Variants in LGR5 observed in about 807,000 individuals in gnomAD.
The protein encoded by LGR5 is leucine rich repeat containing G protein-coupled receptor 5.
In LGR5, 54 loss-of-function variants were observed where a neutral mutation model predicts 76.7. The ratio of observed to expected loss-of-function variants is 0.70; its 90% CI spans 0.57 to 0.88. LGR5 has a LOEUF of 0.88. LGR5 is among the 40% of genes least tolerant of loss of function. The pLI is 0.00. For synonymous variants in LGR5, 406 were observed against 421.9 expected (o/e 0.96, Z 0.46); for missense variants, 1,078 against 1,073.3 (o/e 1.00, Z -0.06).
At chr12:71,495,592 T>C (rs1461397074) in intron 1 of LGR5, among the ~76,000 whole-genome samples, 1 of 151,226 alleles carries the variant, frequency 6.6e-6, no homozygotes, top group Non-Finnish European at 1.5e-5. Context: ...TCATAACAAT[T>C]TTATGAAGTA....
At position 71,445,549 on chromosome 12, in the gene LGR5, T is replaced by C. The variant is rs556606108; in HGVS notation, c.212+5257T>C. On this transcript the variant is annotated intron_variant, in intron 1 of 17. Transcript: ENST00000266674. Reference sequence around the variant, plus strand: ...TATGCCAAAAGGAGACATTTCATAGTCTATAATGTGGAATTTTTAATTAAA... The same window carrying C: ...TATGCCAAAAGGAGACATTTCATAGCCTATAATGTGGAATTTTTAATTAAA... 7.9e-5 allele frequency among the ~76,000 whole-genome samples: 12 copies of C among 152,324 alleles called. No homozygotes were observed. In the East Asian group the frequency reaches 2.1e-3, roughly 27 times the overall value.
At chr12:71,448,121 G>T (rs1360340600) in intron 1 of LGR5, among the ~76,000 whole-genome samples, 2 of 138,852 alleles carry the variant, frequency 1.4e-5, no homozygotes, top group Admixed American at 7.0e-5. Context: ...ACAAACTGTG[G>T]TGACTAACCT....
Position 71,488,579 on chromosome 12 carries a change from T to C in LGR5, c.213-16035T>C, listed in dbSNP as rs76421855. On this transcript the variant is annotated intron_variant, in intron 1 of 17. Transcript: ENST00000266674. Reference sequence around the variant, plus strand: ...AAGCTTTCTTCACCTGGTGAAAATATACTTTGGCAAAATGCATCAATGTTT... The same window carrying C: ...AAGCTTTCTTCACCTGGTGAAAATACACTTTGGCAAAATGCATCAATGTTT... Among the ~76,000 whole-genome samples the C allele has an allele frequency of 3.1e-3, 473 of 152,336 alleles. 15 individuals are homozygous for C. The East Asian group carries it at 0.075, about 24-fold the overall frequency.
chr12:71,480,224 T>A (rs1592475896), intron 1 of LGR5, among the ~76,000 whole-genome samples: 1 of 151,570 alleles, frequency 6.6e-6, no homozygotes, highest in East Asian at 1.9e-4. Context: ...ATTACCCGGA[T>A]GTGGTGGCTT....
At chr12:71,489,031 C>T (rs1873952512) in intron 1 of LGR5, among the ~76,000 whole-genome samples, 1 of 152,092 alleles carries the variant, frequency 6.6e-6, no homozygotes, top group Non-Finnish European at 1.5e-5. Context: ...CAAGGGAAAG[C>T]CTTAATCCAT....
At position 71,585,066 on chromosome 12, in the gene LGR5, T is replaced by C. The variant is rs1879264175; in HGVS notation, c.*332T>C. ...CTCTTTAAACTCACCAATGTAATCATTTTGGGAGGAGGGAGAACCCACTTG... is the reference window on the plus strand; with the variant it reads ...CTCTTTAAACTCACCAATGTAATCACTTTGGGAGGAGGGAGAACCCACTTG... On this transcript the variant is annotated 3_prime_UTR_variant, in exon 18 of 18. Transcript: ENST00000266674. The C allele has an allele frequency of 9.7e-6, 2 of 206,412 alleles. No homozygotes were observed. The highest frequency in any genetic ancestry group is 2.3e-5 in the African/African-American group (1 of 43,166). 12.8% of individuals were successfully genotyped at this position (206,412 alleles called of 1,614,324 possible).
intron 2 of LGR5, among the ~76,000 whole-genome samples, chr12:71,512,082 C>T (rs781256712): frequency 1.9e-4 from 29 of 152,176 alleles, no homozygotes; most frequent in Non-Finnish European, 2.9e-4. Flanking sequence ...ACTTCCACCC[C>T]CTGGATTCAA....
rs975712064 is a variant in LGR5, at chr12:71,555,387, G to T, written c.645-1232G>T. ...TTTTCTAAAATCCTTTTGAGAGTTGGTCCAGTTTTCAGTTGTGCACAGCTG... is the reference window on the plus strand; with the variant it reads ...TTTTCTAAAATCCTTTTGAGAGTTGTTCCAGTTTTCAGTTGTGCACAGCTG... On this transcript the variant is annotated intron_variant, in intron 5 of 17. Transcript: ENST00000266674. 2.6e-5 allele frequency among the ~76,000 whole-genome samples: 4 copies of T among 152,198 alleles called. 1 individual carries two copies. The South Asian group carries it at 6.2e-4, about 24-fold the overall frequency.
At chr12:71,563,089 T>C (rs1242228980) in intron 8 of LGR5, among the ~76,000 whole-genome samples, 2 of 152,174 alleles carry the variant, frequency 1.3e-5, no homozygotes, top group Admixed American at 6.5e-5. Context: ...ATCACTCTTT[T>C]GATATGCTAA....
chr12:71,557,796 C>A (rs1877850746), intron 6 of LGR5, among the ~76,000 whole-genome samples: 1 of 152,082 alleles, frequency 6.6e-6, no homozygotes, highest in Admixed American at 6.6e-5. Flanking sequence ...ATGACACCAT[C>A]CCTACCCTCA....
chr12:71,507,999 T>C (rs987707873), intron 2 of LGR5, among the ~76,000 whole-genome samples: 4 of 150,838 alleles, frequency 2.7e-5, no homozygotes, highest in Non-Finnish European at 4.4e-5. Flanking sequence ...GGCGGGCAGA[T>C]CACGAGTTCA....
chr12:71,454,739 G>A (rs1037478333), intron 1 of LGR5, among the ~76,000 whole-genome samples: 3 of 150,542 alleles, frequency 2.0e-5, no homozygotes, highest in Non-Finnish European at 3.0e-5. Context: ...ACAATCCTTC[G>A]AGATCCACAA....
chr12:71,505,386 G>C, intron 2 of LGR5, among the ~76,000 whole-genome samples: 1 of 152,214 alleles, frequency 6.6e-6, no homozygotes, highest in Non-Finnish European at 1.5e-5. Flanking sequence ...AAATTCATTT[G>C]ATCCTCTTAC....
chr12:71,569,311 G>T (rs1280746655), intron 11 of LGR5, among the ~76,000 whole-genome samples: 1 of 152,154 alleles, frequency 6.6e-6, no homozygotes, highest in African/African-American at 2.4e-5. Context: ...TGACAAATGG[G>T]ATCTAATTAA....
At chr12:71,474,988 A>C (rs182151982) in intron 1 of LGR5, among the ~76,000 whole-genome samples, 1 of 152,306 alleles carries the variant, frequency 6.6e-6, no homozygotes, top group Non-Finnish European at 1.5e-5. Flanking sequence ...GAAATAAAGC[A>C]TGAGGGCTTC....
At chr12:71,511,495 G>A (rs1470405798) in intron 2 of LGR5, among the ~76,000 whole-genome samples, 3 of 152,110 alleles carry the variant, frequency 2.0e-5, no homozygotes, top group Admixed American at 6.5e-5. Flanking sequence ...AGTGGTTCTC[G>A]AAATCTAGTG....
intron 13 of LGR5, among the ~76,000 whole-genome samples, chr12:71,574,074 C>T (rs542553675): frequency 6.6e-6 from 1 of 151,690 alleles, no homozygotes; most frequent in South Asian, 2.1e-4. Flanking sequence ...TATTAAAAGG[C>T]AGGCGGATCA....
intron 2 of LGR5, among the ~76,000 whole-genome samples, chr12:71,523,284 G>GT (rs1875813691): frequency 6.6e-6 from 1 of 151,948 alleles, no homozygotes; most frequent in East Asian, 1.9e-4. Context: ...GAGGCTCTTA[G>GT]GTCCTTCAGA....
At chr12:71,454,776 AACACAC>A (rs35219754) in intron 1 of LGR5, among the ~76,000 whole-genome samples, 17 of 146,938 alleles carry the variant, frequency 1.2e-4, no homozygotes, top group South Asian at 2.2e-4. Flanking sequence ...CATAGACACA[AACACAC>A]ACACACACAC....
Sources: allele counts gnomAD v4.1 joint callset (sites outside exome capture counted in the v4.1 genomes callset), GRCh38; gene constraint gnomAD v4.1.1; transcripts MANE v1.5; gene names NCBI Gene and HGNC (gene_info 2026-07-23, HGNC 2026-07-21).